Variants in ENOX1 observed in about 807,000 individuals in gnomAD.
ENOX1 encodes the protein ecto-NOX disulfide-thiol exchanger 1.
ENOX1 carries 42 observed loss-of-function variants against 82.5 expected under a neutral mutation model. The ratio of observed to expected loss-of-function variants is 0.51; its 90% CI spans 0.40 to 0.66. The LOEUF is 0.66. Ranked by LOEUF, ENOX1 falls within the 30% of genes least tolerant of loss-of-function variation. The pLI, the probability that ENOX1 is intolerant of heterozygous loss-of-function variation, is 0.00. For synonymous variants in ENOX1, 271 were observed against 282.2 expected (o/e 0.96, Z 0.40); for missense variants, 608 against 811.6 (o/e 0.75, Z 3.05).
In ENOX1 at chr13:43,311,844, G is replaced by T. The variant is rs1300361605; in HGVS notation, c.1261+10540C>A. ...TATCACTGCTTTGTATTATGACATT[G>T]TTTAAGACAATTCGTGGAGGCAAAG... is the stretch of plus-strand genomic sequence containing the variant. On this transcript the variant is annotated intron_variant, in intron 11 of 16. Coordinates refer to ENST00000690772, the MANE Select transcript of ENOX1 (RefSeq NM_001347969.2). 2.0e-5 allele frequency among the ~76,000 whole-genome samples: 3 copies of T among 152,186 alleles called. No homozygotes were observed. In the South Asian group the frequency reaches 6.2e-4, roughly 32 times the overall value.
At chr13:43,777,932 C>T (rs1202835190) in intron 1 of ENOX1, among the ~76,000 whole-genome samples, 1 of 152,224 alleles carries the variant, frequency 6.6e-6, no homozygotes, top group Non-Finnish European at 1.5e-5. Flanking sequence ...TTCTTTTCTA[C>T]TGTGTATCCG....
intron 2 of ENOX1, among the ~76,000 whole-genome samples, chr13:43,496,757 G>C (rs931848014): frequency 6.6e-6 from 1 of 152,054 alleles, no homozygotes; most frequent in African/African-American, 2.4e-5. Flanking sequence ...GTATAAGTCT[G>C]TGTCTATTTC....
intron 12 of ENOX1, among the ~76,000 whole-genome samples, chr13:43,285,548 C>T (rs1237589695): frequency 6.6e-6 from 1 of 152,018 alleles, no homozygotes; most frequent in African/African-American, 2.4e-5. Flanking sequence ...TTCTCTTAGT[C>T]ATATAAGAAG....
At chr13:43,294,629 T>C (rs552360048) in intron 12 of ENOX1, among the ~76,000 whole-genome samples, 1 of 152,272 alleles carries the variant, frequency 6.6e-6, no homozygotes, top group East Asian at 1.9e-4. Context: ...TTCCTAGGAT[T>C]TACTCAAGTA....
At chr13:43,745,945 C>A (rs530047814) in intron 1 of ENOX1, among the ~76,000 whole-genome samples, 3 of 152,130 alleles carry the variant, frequency 2.0e-5, no homozygotes, top group Non-Finnish European at 4.4e-5. Flanking sequence ...CCAAGTCACA[C>A]TGAACTGTGA....
chr13:43,736,384 C>G (rs2089631683), intron 1 of ENOX1, among the ~76,000 whole-genome samples: 1 of 152,130 alleles, frequency 6.6e-6, no homozygotes, highest in African/African-American at 2.4e-5. Flanking sequence ...TAAGCCTGAA[C>G]AGTTCTCTGA....
intron 2 of ENOX1, among the ~76,000 whole-genome samples, chr13:43,506,936 T>C (rs1239281742): frequency 6.6e-6 from 1 of 151,474 alleles, no homozygotes; most frequent in African/African-American, 2.4e-5. Context: ...TGTATACATA[T>C]GTAACAAACC....
At chr13:43,400,645 C>A (rs558118291) in intron 5 of ENOX1, among the ~76,000 whole-genome samples, 2 of 152,238 alleles carry the variant, frequency 1.3e-5, no homozygotes, top group South Asian at 4.1e-4. Flanking sequence ...AGTACAATAT[C>A]TAGATCACAG....
chr13:43,669,638 C>T (rs565314246), intron 1 of ENOX1, among the ~76,000 whole-genome samples: 21 of 152,202 alleles, frequency 1.4e-4, no homozygotes, highest in African/African-American at 4.8e-4. Context: ...ATTTTTATTT[C>T]CCTCTTCTAT....
chr13:43,251,184 A>G (rs892160669), intron 14 of ENOX1, among the ~76,000 whole-genome samples: 6 of 152,240 alleles, frequency 3.9e-5, no homozygotes, highest in African/African-American at 1.4e-4. Flanking sequence ...AAACCTGTAA[A>G]ATAAGAAAGT....
rs919624624 is a variant in ENOX1 at position 43,233,531 on chromosome 13, A to C, written c.1714+3105T>G. 2.0e-5 allele frequency among the ~76,000 whole-genome samples: 3 copies of C among 152,296 alleles called. No homozygotes were observed. In the South Asian group the frequency reaches 6.2e-4, roughly 32 times the overall value. ...CAGAATACACCCTTTTGCCCAGATA[A>C]ATCAGTGTCACAAATAATTATATGT... On this transcript the variant is annotated intron_variant, in intron 15 of 16. Transcript: ENST00000690772.
At chr13:43,281,323 T>C (rs1337371163) in intron 12 of ENOX1, among the ~76,000 whole-genome samples, 1 of 152,194 alleles carries the variant, frequency 6.6e-6, no homozygotes, top group Non-Finnish European at 1.5e-5. Flanking sequence ...AGCACCACCA[T>C]CTTGCATAGA....
intron 2 of ENOX1, among the ~76,000 whole-genome samples, chr13:43,541,274 G>A (rs1255042977): frequency 6.7e-6 from 1 of 148,826 alleles, no homozygotes; most frequent in Non-Finnish European, 1.5e-5. Flanking sequence ...CAGGGCAGGG[G>A]GATTGGTTGA....
chr13:43,260,187 C>T (rs1324997579), intron 14 of ENOX1, among the ~76,000 whole-genome samples: 3 of 152,204 alleles, frequency 2.0e-5, no homozygotes, highest in Non-Finnish European at 4.4e-5. Flanking sequence ...CTCTTCCATA[C>T]GCTCCTAACG....
chr13:43,644,677 T>C (rs2083812441), intron 2 of ENOX1, among the ~76,000 whole-genome samples: 1 of 152,244 alleles, frequency 6.6e-6, no homozygotes, highest in South Asian at 2.1e-4. Context: ...AACTATCCTA[T>C]TATGTAGTAA....
At chr13:43,313,564 C>T (rs1236042294) in intron 11 of ENOX1, among the ~76,000 whole-genome samples, 1 of 151,904 alleles carries the variant, frequency 6.6e-6, no homozygotes, top group East Asian at 1.9e-4. Context: ...ATAATACATG[C>T]ATATATTGAC....
At chr13:43,755,487 TCTCA>T (rs772041254) in intron 1 of ENOX1, among the ~76,000 whole-genome samples, 1 of 152,192 alleles carries the variant, frequency 6.6e-6, no homozygotes, top group Non-Finnish European at 1.5e-5. Context: ...GCTCTCTCTC[TCTCA>T]CTCACTCTAA....
intron 2 of ENOX1, among the ~76,000 whole-genome samples, chr13:43,553,905 C>T (rs770625987): frequency 6.6e-6 from 1 of 152,116 alleles, no homozygotes; most frequent in Non-Finnish European, 1.5e-5. Flanking sequence ...GTTGTCACCA[C>T]GCCCAGCTAA....
intron 5 of ENOX1, among the ~76,000 whole-genome samples, chr13:43,361,717 G>C (rs1164885259): frequency 6.6e-6 from 1 of 152,102 alleles, no homozygotes; most frequent in Non-Finnish European, 1.5e-5. Context: ...AAATGTAAAA[G>C]CATGCACCAT....
Sources: allele counts gnomAD v4.1 joint callset (sites outside exome capture counted in the v4.1 genomes callset), GRCh38; gene constraint gnomAD v4.1.1; transcripts MANE v1.5; gene names NCBI Gene and HGNC (gene_info 2026-07-23, HGNC 2026-07-21).